TPO: variants seen among roughly 807,000 people sequenced by gnomAD.
TPO encodes the protein thyroid peroxidase.
TPO carries 78 observed loss-of-function variants against 96.9 expected under a neutral mutation model. That is an observed-to-expected ratio of 0.81 (90% CI 0.67 to 0.97). The LOEUF (loss-of-function observed/expected upper bound fraction) is 0.97, where lower values mean the gene tolerates loss of function less well. TPO is among the 50% of genes least tolerant of loss of function. TPO has a pLI of 0.00. For synonymous variants in TPO, 547 were observed against 538.0 expected (o/e 1.02, Z -0.23); for missense variants, 1,252 against 1,274.8 (o/e 0.98, Z 0.27).
chr2:1,385,511 T>G (rs1461426122), intron 1 of TPO, among the ~76,000 whole-genome samples: 2 of 152,330 alleles, frequency 1.3e-5, no homozygotes, highest in African/African-American at 4.8e-5. Context: ...GTGTTTATAG[T>G]AGTCTCTGAT....
At chr2:1,484,924 T>C (rs1670991580) in intron 9 of TPO, 70 bp downstream of exon 9, 2 of 1,586,798 alleles carry the variant, frequency 1.3e-6, no homozygotes, top group East Asian at 2.4e-5. Context: ...TTTTAAATTA[T>C]ATTTTAAGTT....
At position 1,525,761 on chromosome 2, in the gene TPO, G is replaced by T. The variant is rs1676307721; in HGVS notation, c.2618+8779G>T. Reference sequence around the variant, plus strand: ...CTCCCCAAATCTCACCCCACTGTGGGCAACCACACTAAATCCCGCCACTGT... The same window carrying T: ...CTCCCCAAATCTCACCCCACTGTGGTCAACCACACTAAATCCCGCCACTGT... On this transcript the variant is annotated intron_variant, in intron 15 of 16. Transcript: ENST00000329066. 2.2e-5 allele frequency among the ~76,000 whole-genome samples: 3 copies of T among 137,928 alleles called. No individual in the cohort carries two copies. The Admixed American group carries it at 2.3e-4, about 10-fold the overall frequency. The allele number at this position is 137,928 out of a possible 152,430, so 90.5% of individuals were successfully genotyped here.
intron 3 of TPO, among the ~76,000 whole-genome samples, chr2:1,429,110 A>G (rs1334543268): frequency 6.6e-6 from 1 of 152,166 alleles, no homozygotes; most frequent in African/African-American, 2.4e-5. Flanking sequence ...TCTAATATAT[A>G]TGGTGAGTGA....
chr2:1,386,655 CTCTT>C (rs1661899748), intron 1 of TPO, among the ~76,000 whole-genome samples: 1 of 152,094 alleles, frequency 6.6e-6, no homozygotes, highest in Non-Finnish European at 1.5e-5. Context: ...TGGGTCTTGA[CTCTT>C]TATCCAATTT....
Position 1,436,239 on chromosome 2 carries a change from C to A in TPO, c.350-13C>A. ...TTACAAGCACAGAATTCATGGTTTCCTATTTTTCACAGATGCTTTATCAGA... is the reference window on the plus strand; with the variant it reads ...TTACAAGCACAGAATTCATGGTTTCATATTTTTCACAGATGCTTTATCAGA... On this transcript the variant is annotated splice_polypyrimidine_tract_variant and intron_variant, in intron 4 of 16. Coordinates refer to ENST00000329066, the MANE Select transcript of TPO (RefSeq NM_001206744.2). 6.2e-7 allele frequency: 1 copy of A among 1,614,164 alleles called. No individual in the cohort carries two copies.
intron 13 of TPO, among the ~76,000 whole-genome samples, chr2:1,498,750 C>T (rs1184379139): frequency 6.6e-6 from 1 of 152,084 alleles, no homozygotes; most frequent in Non-Finnish European, 1.5e-5. Flanking sequence ...TGTGTAAACT[C>T]GTGGTTGCTG....
At chr2:1,527,001 TCAA>T (rs1676697353) in intron 15 of TPO, among the ~76,000 whole-genome samples, 3 of 66,280 alleles carry the variant, frequency 4.5e-5, no homozygotes, top group Non-Finnish European at 8.5e-5. Flanking sequence ...TGCAACCTCC[TCAA>T]ATCCCCCCCA....
At chr2:1,391,929 G>GT (rs1306240985) in intron 1 of TPO, among the ~76,000 whole-genome samples, 1 of 152,142 alleles carries the variant, frequency 6.6e-6, no homozygotes, top group African/African-American at 2.4e-5. Flanking sequence ...AGACGATGGG[G>GT]TTTTTTAAAT....
At chr2:1,401,781 C>T (rs1018574310) in intron 1 of TPO, among the ~76,000 whole-genome samples, 5 of 152,196 alleles carry the variant, frequency 3.3e-5, no homozygotes, top group Non-Finnish European at 4.4e-5. Context: ...TCCCAGGAAA[C>T]TCTAGCCTGC....
chr2:1,513,870 CATAGGT>C (rs1674413476), intron 14 of TPO, among the ~76,000 whole-genome samples: 1 of 152,044 alleles, frequency 6.6e-6, no homozygotes, highest in South Asian at 2.1e-4. Context: ...TAAATTTACA[CATAGGT>C]ATAGAATAGA....
At chr2:1,521,539 G>A (rs113801558) in intron 15 of TPO, among the ~76,000 whole-genome samples, 2,343 of 152,228 alleles carry the variant, frequency 0.015, 53 homozygotes, top group African/African-American at 0.053. Flanking sequence ...GGGTAGAGAC[G>A]GCCTGAGTCT....
intron 3 of TPO, among the ~76,000 whole-genome samples, chr2:1,428,951 T>C (rs1664709615): frequency 6.6e-6 from 1 of 152,158 alleles, no homozygotes; most frequent in African/African-American, 2.4e-5. Context: ...TATGGCTGGC[T>C]AATGTGTTAG....
chr2:1,449,052 C>T (rs1667088791), intron 5 of TPO, among the ~76,000 whole-genome samples: 1 of 152,174 alleles, frequency 6.6e-6, no homozygotes, highest in African/African-American at 2.4e-5. Context: ...AAGCCTCTTT[C>T]GTGGAGTTCA....
chr2:1,527,828 AT>A (rs1676948559), intron 15 of TPO, among the ~76,000 whole-genome samples: 1 of 41,914 alleles, frequency 2.4e-5, no homozygotes, highest in Non-Finnish European at 4.4e-5. Flanking sequence ...TCAAATCCCC[AT>A]ACTGTGTGCA....
intron 7 of TPO, among the ~76,000 whole-genome samples, chr2:1,467,118 T>G (rs1240669502): frequency 6.6e-6 from 1 of 152,060 alleles, no homozygotes; most frequent in Admixed American, 6.6e-5. Flanking sequence ...TTTTTTTTTT[T>G]TTGAGATGGA....
At chr2:1,395,740 G>A (rs567928152) in intron 1 of TPO, among the ~76,000 whole-genome samples, 1 of 131,408 alleles carries the variant, frequency 7.6e-6, no homozygotes, top group East Asian at 2.0e-4. Flanking sequence ...GTGATAGTGT[G>A]TTCTAGTGAT....
At chr2:1,452,283 GT>G (rs1441773809) in intron 5 of TPO, among the ~76,000 whole-genome samples, 42 of 152,186 alleles carry the variant, frequency 2.8e-4, no homozygotes, top group African/African-American at 9.9e-4. Context: ...ATTGGAATTA[GT>G]TTATTGATGA....
At chr2:1,467,909 C>A (rs368491460) in intron 7 of TPO, among the ~76,000 whole-genome samples, 188 of 89,758 alleles carry the variant, frequency 2.1e-3, no homozygotes, top group African/African-American at 6.7e-3. Flanking sequence ...TGATATTTTC[C>A]TGTTGGACAA....
chr2:1,542,494 T>G lies in TPO; in HGVS notation c.*20T>G. 1.2e-6 allele frequency: 2 copies of G among 1,614,056 alleles called. No homozygotes were observed. The highest frequency in any genetic ancestry group is 1.7e-6 in the Non-Finnish European group (2 of 1,179,998). On this transcript the variant is annotated 3_prime_UTR_variant, in exon 17 of 17. Transcript: ENST00000329066. ...CTCTGAGGGCAAAGTGGCAGGACAC[T>G]GCAGAACAGCTTCATGTTCCCAAAA...
Sources: gnomAD v4.1 joint callset for allele counts (sites outside exome capture counted in the v4.1 genomes callset) on GRCh38, gnomAD v4.1.1 for gene constraint, MANE v1.5 for transcripts, NCBI Gene and HGNC (gene_info 2026-07-23, HGNC 2026-07-21) for gene names.